The following OSBPL6 variants were observed in gnomAD, a reference collection of about 807,000 sequenced individuals.
The protein encoded by OSBPL6 is oxysterol-binding protein-related protein 6.
OSBPL6 carries 49 observed loss-of-function variants against 125.8 expected under a neutral mutation model. The observed-to-expected ratio is 0.39, with a 90% CI of 0.31 to 0.49. OSBPL6 has a LOEUF of 0.49. Among genes scored for constraint, OSBPL6 ranks in the 20% least tolerant of loss-of-function variants. The probability of loss-of-function intolerance (pLI) is 0.88; values close to 1 mark genes in which losing one functional copy is unlikely to be tolerated. For synonymous variants in OSBPL6, 394 were observed against 391.8 expected, an observed-to-expected ratio of 1.01 and a Z score of -0.07; for missense variants, 986 against 1,135.4, an observed-to-expected ratio of 0.87 and a Z score of 1.89.
chr2:178,363,417 G>C (rs1692533083), intron 13 of OSBPL6, among the ~76,000 whole-genome samples: 1 of 152,174 alleles, frequency 6.6e-6, no homozygotes, highest in Non-Finnish European at 1.5e-5. Context: ...AAGTAGCCCT[G>C]GCCATGTTCC....
chr2:178,230,458 G>A (rs334040), intron 1 of OSBPL6: 50,361 of 152,002 alleles, frequency 0.33, 8,895 homozygotes, highest in African/African-American at 0.44. Context: ...TGGGTTCCTC[G>A]GAAAAGTGGA....
intron 15 of OSBPL6, among the ~76,000 whole-genome samples, chr2:178,381,064 A>G (rs1286736208): frequency 6.6e-6 from 1 of 152,202 alleles, no homozygotes; most frequent in African/African-American, 2.4e-5. Context: ...TACAATAAGA[A>G]TGTTTTATAT....
intron 1 of OSBPL6, among the ~76,000 whole-genome samples, chr2:178,253,211 G>A (rs997275112): frequency 6.6e-6 from 1 of 152,014 alleles, no homozygotes; most frequent in African/African-American, 2.4e-5. Flanking sequence ...TAGTACAGAT[G>A]GGTTTTCACC....
At chr2:178,374,168 A>G in intron 15 of OSBPL6, 141 bp downstream of exon 15, 1 of 1,030,968 alleles carries the variant, frequency 9.7e-7, no homozygotes, top group South Asian at 1.6e-5. Context: ...AAATTGCAGC[A>G]AAGCTAAAAG....
intron 1 of OSBPL6, among the ~76,000 whole-genome samples, chr2:178,242,294 G>A (rs2091322517): frequency 6.6e-6 from 1 of 152,180 alleles, no homozygotes; most frequent in Non-Finnish European, 1.5e-5. Flanking sequence ...CATCTCAAAA[G>A]TACCTGCCTT....
chr2:178,339,045 T>G lies in OSBPL6; in HGVS notation c.845T>G (p.Leu282Trp). 1 of 1,613,572 alleles carries G rather than the reference T, an allele frequency of 6.2e-7. No individual in the cohort carries two copies. Among genetic ancestry groups the G allele is most frequent in the South Asian group, 1.1e-5 (1 of 90,994 alleles). Residue 282 changes from leucine to tryptophan, a missense_variant, in exon 10 of 25, where the codon TTG becomes TGG. Leu to Trp is a moderately conservative substitution (Grantham distance 61, BLOSUM62 -2). Around this residue, in one of 3 missense-constraint regions of OSBPL6, gnomAD observed 843 missense variants for 997.3 expected, o/e 0.85. Transcript: ENST00000190611. ...LVELSKLLQN[L>W]EILQRTQSAP... ...GAACTTAGCAAACTCCTGCAAAATT[T>G]GGAAATACTTCAGAGAACTCAGTCG... is the stretch of plus-strand genomic sequence containing the variant.
chr2:178,371,257 T>C (rs1036614117), intron 13 of OSBPL6, among the ~76,000 whole-genome samples: 8 of 152,244 alleles, frequency 5.3e-5, no homozygotes, highest in African/African-American at 1.9e-4. Context: ...AGTCTATAAA[T>C]GGAACATGTT....
intron 1 of OSBPL6, among the ~76,000 whole-genome samples, chr2:178,214,985 A>T (rs1314097340): frequency 6.6e-6 from 1 of 152,098 alleles, no homozygotes; most frequent in Non-Finnish European, 1.5e-5. Context: ...CAATGCCTGG[A>T]TTAGTATTTG....
rs370623801 is a variant in OSBPL6, at chr2:178,200,573, G to A, written c.-351+5899G>A. 7.9e-4 allele frequency among the ~76,000 whole-genome samples: 120 copies of A among 151,638 alleles called. 1 individual carries two copies. The highest frequency in any genetic ancestry group is 2.7e-3 in the African/African-American group (110 of 41,342). On this transcript the variant is annotated intron_variant, in intron 1 of 24. Transcript: ENST00000190611. ...GGCTCTTCAGACACTTCTAAAAACT[G>A]CCCACAAATCATGATGTAACTTTCT...
Position 178,361,728 on chromosome 2 carries a change from G to T in OSBPL6, c.1200G>T (p.Lys400Asn). Residue 400 changes from lysine (K) to asparagine (N), a missense_variant, in exon 13 of 25, where the codon AAG becomes AAT. This residue lies in a region of OSBPL6 where 843 missense variants were observed against 997.3 expected (regional missense o/e 0.85). Coordinates refer to ENST00000190611, the MANE Select transcript of OSBPL6 (RefSeq NM_032523.4). ...KSAFNSIAIE[K>N]EKLKQMVSEQ... ...CATTTAATAGCATAGCTATAGAGAAGGAGAAGCTGAAGCAGATGGTTTCCG... is the reference window on the plus strand; with the variant it reads ...CATTTAATAGCATAGCTATAGAGAATGAGAAGCTGAAGCAGATGGTTTCCG... 1 of 1,614,150 alleles carries T rather than the reference G, an allele frequency of 6.2e-7. No homozygotes were observed.
intron 1 of OSBPL6, among the ~76,000 whole-genome samples, chr2:178,198,934 A>C (rs140125389): frequency 5.1e-4 from 78 of 152,344 alleles, no homozygotes; most frequent in African/African-American, 1.8e-3. Context: ...TTAAGCATTC[A>C]AATAGAACAT....
At chr2:178,338,754 T>C (rs1689930758) in intron 9 of OSBPL6, among the ~76,000 whole-genome samples, 1 of 152,004 alleles carries the variant, frequency 6.6e-6, no homozygotes, top group African/African-American at 2.4e-5. Context: ...TGACTGAGAG[T>C]TTCATGGTTT....
chr2:178,299,299 A>G lies in OSBPL6; in HGVS notation c.-155-6731A>G, dbSNP rs531585643. 2.2e-4 allele frequency among the ~76,000 whole-genome samples: 34 copies of G among 152,212 alleles called. No individual in the cohort carries two copies. The Middle Eastern group carries it at 0.01, about 46-fold the overall frequency. ...CTTTTTTGCACTGAATAATATTCTTACTGATATTTTTAAGATCCTTTTTGT... is the reference window on the plus strand; with the variant it reads ...CTTTTTTGCACTGAATAATATTCTTGCTGATATTTTTAAGATCCTTTTTGT... On this transcript the variant is annotated intron_variant, in intron 2 of 24. Coordinates refer to ENST00000190611, the MANE Select transcript of OSBPL6 (RefSeq NM_032523.4).
chr2:178,230,039 C>A (rs2090752528), intron 1 of OSBPL6, among the ~76,000 whole-genome samples: 1 of 152,158 alleles, frequency 6.6e-6, no homozygotes, highest in African/African-American at 2.4e-5. Flanking sequence ...TTGTTCTCAT[C>A]TTCAGGGTAG....
chr2:178,333,205 G>A (rs1437959579), intron 8 of OSBPL6, among the ~76,000 whole-genome samples, 164 bp downstream of exon 8: 1 of 152,040 alleles, frequency 6.6e-6, no homozygotes, highest in South Asian at 2.1e-4. Flanking sequence ...GCAACATGGT[G>A]AAAACCCCAT....
chr2:178,279,512 C>T (rs1683914716), intron 1 of OSBPL6, among the ~76,000 whole-genome samples: 2 of 152,194 alleles, frequency 1.3e-5, no homozygotes, highest in African/African-American at 4.8e-5. Context: ...TCAACCTTTA[C>T]AACTTTTGCT....
chr2:178,207,571 C>G (rs1468435062), intron 1 of OSBPL6, among the ~76,000 whole-genome samples: 1 of 152,156 alleles, frequency 6.6e-6, no homozygotes, highest in Non-Finnish European at 1.5e-5. Context: ...ATTTTTCAGC[C>G]AACTGCAGTT....
At chr2:178,249,632 G>A (rs538335213) in intron 1 of OSBPL6, among the ~76,000 whole-genome samples, 6 of 152,158 alleles carry the variant, frequency 3.9e-5, no homozygotes, top group South Asian at 2.1e-4. Context: ...TTTGCTTTGC[G>A]TTTAAGGTAC....
At chr2:178,250,921 C>T (rs927769844) in intron 1 of OSBPL6, among the ~76,000 whole-genome samples, 3 of 151,418 alleles carry the variant, frequency 2.0e-5, no homozygotes, top group Non-Finnish European at 4.4e-5. Context: ...TGAACCTCAA[C>T]TCTAAGCCCA....
Sources: allele counts gnomAD v4.1 joint callset (sites outside exome capture counted in the v4.1 genomes callset), GRCh38; gene constraint gnomAD v4.1.1; regional missense constraint gnomAD v4.1.1; transcripts MANE v1.5; gene names NCBI Gene and HGNC (gene_info 2026-07-23, HGNC 2026-07-21).